OPN3: variants seen among roughly 807,000 people sequenced by gnomAD.
The protein encoded by OPN3 is opsin 3.
A neutral mutation model predicts 33.8 loss-of-function variants in OPN3; 29 were observed. The observed-to-expected ratio is 0.86, with a 90% CI of 0.64 to 1.17. The LOEUF is 1.17. OPN3 is among the 50% of genes most tolerant of loss of function. The pLI is 0.00. For synonymous variants in OPN3, 216 were observed against 216.1 expected (o/e 1.00, Z 0.00); for missense variants, 437 against 514.1 (o/e 0.85, Z 1.45).
chr1:241,640,299 G>A lies in OPN3; in HGVS notation c.-45C>T, dbSNP rs538114581. The stretch of plus-strand genomic sequence containing the variant: ...TGGCGGGCGGAGGCGCTCAGCTTGC[G>A]GCGGGGCTCGCGGCGCGCTCCGCAC... On this transcript the variant is annotated 5_prime_UTR_variant, in exon 1 of 4. Coordinates refer to ENST00000366554, the MANE Select transcript of OPN3 (RefSeq NM_014322.3). 11,501 of 1,122,296 alleles carry A rather than the reference G, an allele frequency of 0.01. 68 individuals are homozygous for A. Among genetic ancestry groups the A allele is most frequent in the Non-Finnish European group, 0.011 (10,529 of 921,430 alleles). The allele number at this position is 1,122,296 out of a possible 1,614,324, so 69.5% of individuals were successfully genotyped here.
chr1:241,635,779 C>T, intron 1 of OPN3: 3 of 1,601,284 alleles, frequency 1.9e-6, no homozygotes, highest in South Asian at 2.2e-5. Flanking sequence ...TAGGAAGTAA[C>T]AGCGTCTGGT....
chr1:241,604,633 T>G (rs1663775701), intron 1 of OPN3, 54 bp from the exon 2 acceptor site: 1 of 1,468,746 alleles, frequency 6.8e-7, no homozygotes, highest in Admixed American at 2.0e-5. Flanking sequence ...AAACCGGGCA[T>G]AAGAGACGTG....
At chr1:241,633,976 GAA>G (rs752604774) in intron 1 of OPN3, 1 of 1,613,952 alleles carries the variant, frequency 6.2e-7, no homozygotes, top group Non-Finnish European at 8.5e-7. Flanking sequence ...AGATCTCCTG[GAA>G]AAGTGTTTCA....
intron 1 of OPN3, chr1:241,629,002 G>C (rs1252492606): frequency 6.6e-6 from 1 of 152,504 alleles, no homozygotes; most frequent in African/African-American, 2.4e-5. Context: ...ACATGTATCA[G>C]TAAACACAAT....
chr1:241,622,801 AG>A (rs1453258897), intron 1 of OPN3, among the ~76,000 whole-genome samples: 1 of 152,130 alleles, frequency 6.6e-6, no homozygotes, highest in African/African-American at 2.4e-5. Flanking sequence ...TTTCCCTTTA[AG>A]GAGCAAGTAA....
chr1:241,597,638 G>GTTTTT, intron 3 of OPN3, 108 bp downstream of exon 3: 1 of 995,862 alleles, frequency 1.0e-6, no homozygotes, highest in African/African-American at 1.7e-5. Context: ...AAAAATTCTT[G>GTTTTT]TTTTTTTTTT....
At chr1:241,637,667 A>G (rs1007674794) in intron 1 of OPN3, among the ~76,000 whole-genome samples, 2 of 152,214 alleles carry the variant, frequency 1.3e-5, no homozygotes, top group African/African-American at 4.8e-5. Context: ...CAAAGGGGTC[A>G]TCAAAATGCA....
At chr1:241,594,948 C>T (rs982452231) in intron 3 of OPN3, 7 of 405,772 alleles carry the variant, frequency 1.7e-5, no homozygotes, top group Non-Finnish European at 3.1e-5. Flanking sequence ...TCAATCTGCA[C>T]ACACTTTCTA....
intron 1 of OPN3, among the ~76,000 whole-genome samples, chr1:241,608,781 A>G (rs1663905472): frequency 6.6e-6 from 1 of 152,246 alleles, no homozygotes; most frequent in African/African-American, 2.4e-5. Context: ...GCTGTTATGT[A>G]CCATGACATG....
chr1:241,607,071 T>C (rs921751247), intron 1 of OPN3, among the ~76,000 whole-genome samples: 2 of 152,160 alleles, frequency 1.3e-5, no homozygotes, highest in Non-Finnish European at 2.9e-5. Context: ...CTGTGGGAGT[T>C]GGAGGGTGGG....
In OPN3 at chr1:241,599,606, AATATTTTTCTATTTTCAAAACATCATTT is replaced by A. The variant is rs1022970640; in HGVS notation, c.694-1637_694-1610del. Among the ~76,000 whole-genome samples the A allele has an allele frequency of 5.9e-5, 9 of 152,258 alleles. 1 individual carries two copies. Among genetic ancestry groups the A allele is most frequent in the Admixed American group, 2.0e-4 (3 of 15,292 alleles). ...GAAACTGTTTTATTTAATGGGATAG[AATATTTTTCTATTTTCAAAACATCATTT>A]TGGGGGAGCTTCCCTAGTTTATAGG... On this transcript the variant is annotated intron_variant, in intron 2 of 3. Transcript: ENST00000366554.
chr1:241,593,668 G>C lies in OPN3; in HGVS notation c.*760C>G, dbSNP rs1663399955. 1 of 169,572 alleles carries C rather than the reference G, an allele frequency of 5.9e-6. No individual in the cohort carries two copies. Among genetic ancestry groups the C allele is most frequent in the Admixed American group, 5.7e-5 (1 of 17,506 alleles). The allele number at this position is 169,572 out of a possible 1,614,324, so 10.5% of individuals were successfully genotyped here. A position where few individuals can be genotyped will look rare whatever the true frequency, so the allele number is the denominator to read the frequency against. On this transcript the variant is annotated 3_prime_UTR_variant, in exon 4 of 4. Coordinates refer to ENST00000366554, the MANE Select transcript of OPN3 (RefSeq NM_014322.3). Reference sequence around the variant, plus strand: ...TGTAATATATATGTGGGAAATACAGGGGAATGAGCAAATCTCAAAGAGCTG... The same window carrying C: ...TGTAATATATATGTGGGAAATACAGCGGAATGAGCAAATCTCAAAGAGCTG...
Position 241,618,694 on chromosome 1 carries a change from C to T in OPN3, c.374-14115G>A, listed in dbSNP as rs138463115. On this transcript the variant is annotated intron_variant, in intron 1 of 3. Transcript: ENST00000366554. The stretch of plus-strand genomic sequence containing the variant: ...GTTTTCAGCAGAGCAACACCGCCAT[C>T]GTTCTGTGTCTCTTTGTGCAGGCAG... Among the ~76,000 whole-genome samples, 1,368 of 152,270 alleles carry T rather than the reference C, an allele frequency of 9.0e-3. 11 individuals carry two copies. Among genetic ancestry groups the T allele is most frequent in the South Asian group, 0.041 (198 of 4,824 alleles).
chr1:241,634,487 T>G lies in OPN3; in HGVS notation c.373+5395A>C, dbSNP rs764883955. 4.3e-6 allele frequency: 7 copies of G among 1,613,742 alleles called. No individual in the cohort carries two copies. The African/African-American group carries it at 8.0e-5, about 18-fold the overall frequency. On this transcript the variant is annotated intron_variant, in intron 1 of 3. Coordinates refer to ENST00000366554, the MANE Select transcript of OPN3 (RefSeq NM_014322.3). Reference sequence around the variant, plus strand: ...AATAAAATATTTAGCATTTATTCTTTGACCAAAGTGATCTATAATTGCTTT... The same window carrying G: ...AATAAAATATTTAGCATTTATTCTTGGACCAAAGTGATCTATAATTGCTTT...
At chr1:241,631,646 A>AT (rs2148022811) in intron 1 of OPN3, 1 of 152,236 alleles carries the variant, frequency 6.6e-6, no homozygotes, top group South Asian at 2.1e-4. Context: ...GCCTGATAAT[A>AT]TTTTTTGTAA....
At chr1:241,614,140 C>G (rs1664064403) in intron 1 of OPN3, 1 of 152,040 alleles carries the variant, frequency 6.6e-6, no homozygotes, top group Non-Finnish European at 1.5e-5. Context: ...TGCACTCCAG[C>G]CTGGGCAACA....
chr1:241,604,937 C>T (rs614808), intron 1 of OPN3, among the ~76,000 whole-genome samples: 21,562 of 151,752 alleles, frequency 0.14, 2,453 homozygotes, highest in African/African-American at 0.28. Context: ...CGCCTGTGGT[C>T]CCAGCTACTC....
At chr1:241,611,163 TAC>T (rs1663980883) in intron 1 of OPN3, among the ~76,000 whole-genome samples, 1 of 152,068 alleles carries the variant, frequency 6.6e-6, no homozygotes, top group Non-Finnish European at 1.5e-5. Context: ...TACCCAATAA[TAC>T]AGTTATTTTC....
chr1:241,598,314 A>G (rs1311547975), intron 2 of OPN3, among the ~76,000 whole-genome samples: 1 of 152,144 alleles, frequency 6.6e-6, no homozygotes, highest in African/African-American at 2.4e-5. Context: ...TCAAGTCTCT[A>G]AAAGACAGCC....
Sources: gnomAD v4.1 joint callset for allele counts (sites outside exome capture counted in the v4.1 genomes callset) on GRCh38, gnomAD v4.1.1 for gene constraint, MANE v1.5 for transcripts, NCBI Gene and HGNC (gene_info 2026-07-23, HGNC 2026-07-21) for gene names.